Variants in ZFHX3 observed in about 807,000 individuals in gnomAD.
ZFHX3 encodes zinc finger homeobox 3, also known as zinc finger homeobox protein 3.
ZFHX3 carries 42 observed loss-of-function variants against 279.1 expected under a neutral mutation model. The ratio of observed to expected loss-of-function variants is 0.15; its 90% CI spans 0.12 to 0.19. ZFHX3 has a LOEUF of 0.19. Among genes scored for constraint, ZFHX3 ranks in the 10% least tolerant of loss-of-function variants. ZFHX3 has a pLI of 1.00. For missense variants in ZFHX3, 4,981 were observed against 4,754.0 expected (o/e 1.05, Z -1.40); for synonymous variants, 2,293 against 1,957.8 (o/e 1.17, Z -4.52).
At chr16:73,230,281 T>A (rs1192742856) in intron 5 of ZFHX3, among the ~76,000 whole-genome samples, 4 of 152,226 alleles carry the variant, frequency 2.6e-5, no homozygotes, top group Non-Finnish European at 5.9e-5. Flanking sequence ...ATTATGATTG[T>A]ACCCAACTGG....
intron 4 of ZFHX3, among the ~76,000 whole-genome samples, 199 bp downstream of exon 4, chr16:72,889,532 G>C (rs1023073782): frequency 6.8e-6 from 1 of 146,520 alleles, no homozygotes; most frequent in African/African-American, 2.5e-5. Flanking sequence ...GAAAAGAAAA[G>C]AAAAAAAGAC....
intron 4 of ZFHX3, chr16:73,257,175 T>C (rs544443348): frequency 7.2e-5 from 11 of 152,330 alleles, no homozygotes; most frequent in Non-Finnish European, 1.3e-4. Flanking sequence ...CAAAAAACTA[T>C]TTTTGGTACA....
At chr16:73,673,433 G>T (rs1476364123) in intron 2 of ZFHX3, among the ~76,000 whole-genome samples, 1 of 151,800 alleles carries the variant, frequency 6.6e-6, no homozygotes, top group Non-Finnish European at 1.5e-5. Flanking sequence ...ATAGGAAAAG[G>T]CCTTATATTT....
chr16:73,481,654 TTG>T (rs2018871993), intron 2 of ZFHX3, among the ~76,000 whole-genome samples: 1 of 151,848 alleles, frequency 6.6e-6, no homozygotes. Context: ...TTGTTTTTGT[TTG>T]TTTGTTTGTT....
Position 72,798,113 on chromosome 16 carries a change from T to G in ZFHX3, c.4569A>C (p.Arg1523Ser). The G allele has an allele frequency of 6.2e-7, 1 of 1,614,200 alleles. No homozygotes were observed. Among genetic ancestry groups the G allele is most frequent in the Non-Finnish European group, 8.5e-7 (1 of 1,180,040 alleles). ...TGGGACCTTTTCTGAAAGGCAGAGC[T>G]CTCTTTGGCTCTGAGCCCGAGTCTT... ...VQEDSGSEPK[R>S]ALPFRKGPNF... is the part of the protein sequence containing the mutation. The change falls in exon 9 of 10, where the codon AGA (arginine) becomes AGC (serine). Residue 1523 changes from arginine to serine, a missense_variant. Physicochemically the swap from Arg to Ser is moderately radical, Grantham distance 110. Coordinates refer to ENST00000268489, the MANE Select transcript of ZFHX3 (RefSeq NM_006885.4).
intron 4 of ZFHX3, among the ~76,000 whole-genome samples, chr16:73,275,972 G>T (rs189090233): frequency 2.6e-5 from 4 of 151,512 alleles, no homozygotes; most frequent in African/African-American, 9.8e-5. Context: ...AGTTAGGGGC[G>T]GTCAAGAGTG....
chr16:73,429,775 T>C (rs1403236976), intron 3 of ZFHX3, among the ~76,000 whole-genome samples: 1 of 152,186 alleles, frequency 6.6e-6, no homozygotes, highest in African/African-American at 2.4e-5. Context: ...TCTAGTCTGG[T>C]TGTCCCTACC....
At chr16:73,181,260 C>T (rs1039764829) in intron 5 of ZFHX3, among the ~76,000 whole-genome samples, 1 of 152,076 alleles carries the variant, frequency 6.6e-6, no homozygotes, top group African/African-American at 2.4e-5. Context: ...GCCAGCATGC[C>T]CAGCTAATTT....
rs181279101 is a variant in ZFHX3, at chr16:73,240,479, A to G, written c.-1104+16568T>C. ...AGTGATCTGCCCACCTCGGCCTCTCAAAGTCCTGGGATTACAGGTGTGAGC... is the reference window on the plus strand; with the variant it reads ...AGTGATCTGCCCACCTCGGCCTCTCGAAGTCCTGGGATTACAGGTGTGAGC... On this transcript the variant is annotated intron_variant, in intron 5 of 17. Coordinates refer to the ZFHX3 transcript ENST00000641206. Among the ~76,000 whole-genome samples the G allele has an allele frequency of 1.5e-3, 233 of 152,250 alleles. 1 individual carries two copies. The highest frequency in any genetic ancestry group is 5.3e-3 in the African/African-American group (219 of 41,546).
At chr16:72,982,906 T>C (rs1962671923) in intron 1 of ZFHX3, among the ~76,000 whole-genome samples, 1 of 152,134 alleles carries the variant, frequency 6.6e-6, no homozygotes. Flanking sequence ...GAGCTCCTCA[T>C]GAAGGAGGCT....
chr16:73,872,791 G>A (rs1472481437), intron 1 of ZFHX3, among the ~76,000 whole-genome samples: 2 of 26,394 alleles, frequency 7.6e-5, no homozygotes, highest in Non-Finnish European at 1.4e-4. Context: ...GGTGGGTGGC[G>A]GTGGATGGTG....
intron 2 of ZFHX3, among the ~76,000 whole-genome samples, chr16:73,647,485 T>C (rs745631447): frequency 2.0e-5 from 3 of 152,160 alleles, no homozygotes; most frequent in Non-Finnish European, 4.4e-5. Context: ...CCCTCTCTCC[T>C]ACTGCCATCT....
At chr16:73,298,403 C>T (rs116447741) in intron 4 of ZFHX3, among the ~76,000 whole-genome samples, 3,063 of 151,714 alleles carry the variant, frequency 0.02, 105 homozygotes, top group African/African-American at 0.069. Context: ...AAACCAGTCT[C>T]GAACTCCCGA....
At chr16:73,614,870 C>T (rs1372307865) in intron 2 of ZFHX3, among the ~76,000 whole-genome samples, 5 of 152,090 alleles carry the variant, frequency 3.3e-5, no homozygotes, top group African/African-American at 1.2e-4. Context: ...GATGATCCTC[C>T]CTCCTCAGCC....
chr16:73,705,685 T>C (rs983399834), intron 1 of ZFHX3, among the ~76,000 whole-genome samples: 5 of 152,150 alleles, frequency 3.3e-5, no homozygotes, highest in Admixed American at 1.3e-4. Context: ...TGCTTTAACA[T>C]TGAGTGTGAT....
At chr16:73,261,678 T>TTTTTTTTG (rs2013830381) in intron 4 of ZFHX3, among the ~76,000 whole-genome samples, 1 of 144,580 alleles carries the variant, frequency 6.9e-6, no homozygotes, top group African/African-American at 2.5e-5. Flanking sequence ...GTTTTTTTTT[T>TTTTTTTTG]TTTTTTTTTT....
intron 1 of ZFHX3, among the ~76,000 whole-genome samples, chr16:73,853,306 TCAGC>T (rs1197923173): frequency 6.6e-6 from 1 of 152,192 alleles, no homozygotes; most frequent in Non-Finnish European, 1.5e-5. Context: ...ACCATTTGAC[TCAGC>T]AATCCCACTA....
At chr16:73,052,703 T>C (rs372750914), upstream of ZFHX3, among the ~76,000 whole-genome samples, 7 of 152,076 alleles carry the variant, frequency 4.6e-5, no homozygotes, top group East Asian at 1.2e-3. Flanking sequence ...ATTTAAAGAA[T>C]GGATGAAAAA....
Position 73,340,313 on chromosome 16 carries a change from A to T in ZFHX3, c.-1290-21977T>A, listed in dbSNP as rs112917167. Reference sequence around the variant, plus strand: ...CCAAGTGTATATGAAAATTTAGGACATAATAAAGGTGGCACTGGCAGTCAC... The same window carrying T: ...CCAAGTGTATATGAAAATTTAGGACTTAATAAAGGTGGCACTGGCAGTCAC... On this transcript the variant is annotated intron_variant, in intron 3 of 17. Coordinates refer to the ZFHX3 transcript ENST00000641206. Among the ~76,000 whole-genome samples the T allele has an allele frequency of 8.5e-4, 129 of 152,348 alleles. 1 individual carries two copies. Among genetic ancestry groups the T allele is most frequent in the African/African-American group, 2.9e-3 (121 of 41,582 alleles).
Sources: gnomAD v4.1 joint callset for allele counts (sites outside exome capture counted in the v4.1 genomes callset) on GRCh38, gnomAD v4.1.1 for gene constraint, MANE v1.5 for transcripts, NCBI Gene and HGNC (gene_info 2026-07-23, HGNC 2026-07-21) for gene names.